CUX1: variants seen among roughly 807,000 people sequenced by gnomAD.
CUX1 encodes the protein protein CASP.
CUX1 carries 31 observed loss-of-function variants against 158.8 expected under a neutral mutation model. The ratio of observed to expected loss-of-function variants is 0.20; its 90% CI spans 0.15 to 0.26. CUX1 has a LOEUF of 0.26. Among genes scored for constraint, CUX1 ranks in the 10% least tolerant of loss-of-function variants. The pLI, the probability that CUX1 is intolerant of heterozygous loss-of-function variation, is 1.00. For synonymous variants in CUX1, 879 were observed against 862.1 expected (o/e 1.02, Z -0.34); for missense variants, 1,589 against 2,014.6 (o/e 0.79, Z 4.04).
chr7:102,015,552 C>T (rs1818491952), intron 2 of CUX1, among the ~76,000 whole-genome samples: 1 of 152,078 alleles, frequency 6.6e-6, no homozygotes, highest in East Asian at 1.9e-4. Flanking sequence ...TATTTAAAGA[C>T]AAAGGAAAAA....
At chr7:101,848,288 C>G (rs985115860) in intron 1 of CUX1, among the ~76,000 whole-genome samples, 1 of 151,938 alleles carries the variant, frequency 6.6e-6, no homozygotes, top group African/African-American at 2.4e-5. Context: ...ACACGTTAAA[C>G]CCAGCTCAGT....
intron 8 of CUX1, among the ~76,000 whole-genome samples, chr7:102,138,888 A>T (rs1834164191): frequency 6.6e-6 from 1 of 152,180 alleles, no homozygotes; most frequent in African/African-American, 2.4e-5. Flanking sequence ...AGACAAAGGC[A>T]TTCTTCTCAT....
chr7:102,280,937 G>C, intron 20 of CUX1: 1 of 1,409,260 alleles, frequency 7.1e-7, no homozygotes, highest in Non-Finnish European at 9.9e-7. Flanking sequence ...CACCTGCCCT[G>C]CAGCCCAGGC....
intron 8 of CUX1, among the ~76,000 whole-genome samples, chr7:102,140,790 A>G (rs1350283531): frequency 6.6e-6 from 1 of 151,332 alleles, no homozygotes; most frequent in Non-Finnish European, 1.5e-5. Context: ...TCTTGAACCC[A>G]GGAGGCAGAG....
chr7:102,083,886 T>A (rs1827697894), intron 4 of CUX1, among the ~76,000 whole-genome samples: 1 of 146,818 alleles, frequency 6.8e-6, no homozygotes, highest in Non-Finnish European at 1.5e-5. Flanking sequence ...AAATCTACAA[T>A]GTTTATTTTA....
rs1010806596 is a variant in CUX1 at position 102,255,037 on chromosome 7, G to A, written c.*5995G>A. 1.9e-5 allele frequency: 19 copies of A among 985,390 alleles called. No individual in the cohort carries two copies. Among genetic ancestry groups the A allele is most frequent in the Non-Finnish European group, 2.0e-5 (17 of 830,064 alleles). The allele number at this position is 985,390 out of a possible 1,614,324, so 61.0% of individuals were successfully genotyped here. A position where few individuals can be genotyped will look rare whatever the true frequency, so the allele number is the denominator to read the frequency against. ...TCAGGACGGAAGAGGAGGGGGTGTG[G>A]GGGGCAGAGCGTAAAACAAGCCCCA... On this transcript the variant is annotated 3_prime_UTR_variant, in exon 24 of 24. Transcript: ENST00000292535.
At chr7:101,895,696 G>C (rs1281231529) in intron 1 of CUX1, among the ~76,000 whole-genome samples, 1 of 152,094 alleles carries the variant, frequency 6.6e-6, no homozygotes, top group Non-Finnish European at 1.5e-5. Flanking sequence ...CCTTCAGAAG[G>C]AATTCATGGC....
At position 102,251,031 on chromosome 7, in the gene CUX1, T is replaced by C. The variant is rs576661423; in HGVS notation, c.*1989T>C. ...TTATTATCTGATTGTTAGGAAGGGATGAAAGGGGCAAATATTCTTTAGAGG... is the reference window on the plus strand; with the variant it reads ...TTATTATCTGATTGTTAGGAAGGGACGAAAGGGGCAAATATTCTTTAGAGG... On this transcript the variant is annotated 3_prime_UTR_variant, in exon 24 of 24. Coordinates refer to ENST00000292535, the MANE Select transcript of CUX1 (RefSeq NM_181552.4). 8 of 982,958 alleles carry C rather than the reference T, an allele frequency of 8.1e-6. No homozygotes were observed. Among genetic ancestry groups the C allele is most frequent in the East Asian group, 1.1e-4 (1 of 8,796 alleles). 60.9% of individuals were successfully genotyped at this position (982,958 alleles called of 1,614,324 possible). A position where few individuals can be genotyped will look rare whatever the true frequency, so the allele number is the denominator to read the frequency against.
chr7:102,195,126 A>G (rs2131960393), intron 13 of CUX1, among the ~76,000 whole-genome samples: 1 of 152,168 alleles, frequency 6.6e-6, no homozygotes, highest in Non-Finnish European at 1.5e-5. Flanking sequence ...CAAAAAAAAA[A>G]AAAAAAGAAA....
chr7:101,975,986 G>A (rs1812615371), intron 2 of CUX1, among the ~76,000 whole-genome samples: 1 of 152,096 alleles, frequency 6.6e-6, no homozygotes, highest in Non-Finnish European at 1.5e-5. Context: ...ACTAAAATTA[G>A]CCAGGCGTTG....
intron 1 of CUX1, among the ~76,000 whole-genome samples, chr7:101,848,908 G>T (rs1795978053): frequency 1.6e-5 from 1 of 62,192 alleles, no homozygotes; most frequent in Non-Finnish European, 2.9e-5. Flanking sequence ...ACACTTGCAA[G>T]GCAATTTTTT....
At position 102,252,647 on chromosome 7, in the gene CUX1, G is replaced by T; in HGVS notation, c.*3605G>T. 1 of 985,430 alleles carries T rather than the reference G, an allele frequency of 1.0e-6. No individual in the cohort carries two copies. The highest frequency in any genetic ancestry group is 1.2e-6 in the Non-Finnish European group (1 of 829,950). 61.0% of individuals were successfully genotyped at this position (985,430 alleles called of 1,614,324 possible). A position where few individuals can be genotyped will look rare whatever the true frequency, so the allele number is the denominator to read the frequency against. On this transcript the variant is annotated 3_prime_UTR_variant, in exon 24 of 24. Transcript: ENST00000292535. ...GGAGTTCCGGCCCAAGCTCCCTTGT[G>T]ATAGCCGAGATGGCAGGTGTGTGAG...
rs1424135785 is a variant in CUX1 at position 102,253,226 on chromosome 7, T to C, written c.*4184T>C. On this transcript the variant is annotated 3_prime_UTR_variant, in exon 24 of 24. Transcript: ENST00000292535. ...CCCAGAGTGCAGCAGAGCTCTGGGT[T>C]AAATATTCCTTTCTGGCCACCGCCC... The C allele has an allele frequency of 1.0e-6, 1 of 985,368 alleles. No individual in the cohort carries two copies. The highest frequency in any genetic ancestry group is 1.2e-6 in the Non-Finnish European group (1 of 829,976). 61.0% of individuals were successfully genotyped at this position (985,368 alleles called of 1,614,324 possible).
At chr7:101,864,280 C>T (rs1287516751) in intron 1 of CUX1, among the ~76,000 whole-genome samples, 1 of 151,956 alleles carries the variant, frequency 6.6e-6, no homozygotes, top group Non-Finnish European at 1.5e-5. Flanking sequence ...TCCACCTCAG[C>T]CTCCTGAGTA....
intron 6 of CUX1, among the ~76,000 whole-genome samples, chr7:102,108,310 G>A (rs550325375): frequency 6.1e-4 from 93 of 152,234 alleles, no homozygotes; most frequent in Non-Finnish European, 1.0e-3. Flanking sequence ...CCACAATGTG[G>A]AAATAAACAC....
chr7:101,862,524 G>A lies in CUX1; in HGVS notation c.30+44855G>A, dbSNP rs534918464. 1.6e-4 allele frequency among the ~76,000 whole-genome samples: 24 copies of A among 152,284 alleles called. 1 individual carries two copies. The South Asian group carries it at 5.0e-3, about 32-fold the overall frequency. On this transcript the variant is annotated intron_variant, in intron 1 of 23. Coordinates refer to ENST00000292535, the MANE Select transcript of CUX1 (RefSeq NM_181552.4). Reference sequence around the variant, plus strand: ...CCCCAGCACAGAGACTGGGAAGGCAGTTTCTAAGAAGGCCCTTCTGTTGGG... The same window carrying A: ...CCCCAGCACAGAGACTGGGAAGGCAATTTCTAAGAAGGCCCTTCTGTTGGG...
Position 102,115,223 on chromosome 7 carries a change from A to G in CUX1, c.624A>G (p.Arg208=), listed in dbSNP as rs781933402. 6 of 1,608,650 alleles carry G rather than the reference A, an allele frequency of 3.7e-6. No homozygotes were observed. Among genetic ancestry groups the G allele is most frequent in the South Asian group, 1.1e-5 (1 of 89,780 alleles). Residue 208 remains arginine, a synonymous_variant, in exon 8 of 24, where the codon CGA becomes CGG. Transcript: ENST00000292535. ...GCCTTTCAGCCCTGGAAAAAACTCG[A>G]ACAGAATTATTTGACCTGAAAACCA... The part of the protein sequence containing the change: ...QSLQTALEKT[R]TELFDLKTKY...
rs782259524 is a variant in CUX1, at chr7:102,189,794, A to C, written c.1018-19A>C. 52 of 1,613,990 alleles carry C rather than the reference A, an allele frequency of 3.2e-5. No individual in the cohort carries two copies. In the South Asian group the frequency reaches 5.5e-4, roughly 17 times the overall value. On this transcript the variant is annotated intron_variant, in intron 11 of 23. Coordinates refer to ENST00000292535, the MANE Select transcript of CUX1 (RefSeq NM_181552.4). ...TGTTGTCAGGCATGGCCACTGATCA[A>C]ATTCTTCTCTGTTTTCAGCAACTGG... is the stretch of plus-strand genomic sequence containing the variant.
intron 2 of CUX1, among the ~76,000 whole-genome samples, chr7:101,969,957 C>G (rs2129189873): frequency 1.6e-5 from 2 of 126,686 alleles, no homozygotes; most frequent in Admixed American, 2.0e-4. Context: ...TGAAACCATC[C>G]TTGTCTTCTT....
Sources: gnomAD v4.1 joint callset for allele counts (sites outside exome capture counted in the v4.1 genomes callset) on GRCh38, gnomAD v4.1.1 for gene constraint, MANE v1.5 for transcripts, NCBI Gene and HGNC (gene_info 2026-07-23, HGNC 2026-07-21) for gene names.